HS3ST2: variants seen among roughly 807,000 people sequenced by gnomAD.
The protein encoded by HS3ST2 is heparan sulfate glucosamine 3-O-sulfotransferase 2.
Under a neutral mutation model 26.3 loss-of-function variants are expected in HS3ST2, and 17 were observed. That is an observed-to-expected ratio of 0.65 (90% confidence interval 0.44 to 0.97). The LOEUF is 0.97. Among genes scored for constraint, HS3ST2 ranks in the 50% least tolerant of loss-of-function variants. HS3ST2 has a pLI of 0.00. For missense variants in HS3ST2, 402 were observed against 501.2 expected (o/e 0.80, Z 1.89); for synonymous variants, 237 against 219.2 (o/e 1.08, Z -0.72).
At chr16:22,893,634 C>CT (rs56664558) in intron 1 of HS3ST2, among the ~76,000 whole-genome samples, 120,733 of 130,294 alleles carry the variant, frequency 0.93, 55,862 homozygotes, top group East Asian at 0.97. Context: ...TTTTTCTTTT[C>CT]TTTTTTTTTT....
intron 1 of HS3ST2, among the ~76,000 whole-genome samples, chr16:22,895,984 T>C (rs1292892795): frequency 2.0e-5 from 3 of 151,984 alleles, no homozygotes; most frequent in African/African-American, 7.2e-5. Flanking sequence ...TTTATCTTTT[T>C]TTTTTTTAAG....
At chr16:22,863,482 C>T (rs1901707454) in intron 1 of HS3ST2, among the ~76,000 whole-genome samples, 1 of 152,134 alleles carries the variant, frequency 6.6e-6, no homozygotes, top group African/African-American at 2.4e-5. Context: ...GGTTTGTTAC[C>T]TGGGTATATT....
chr16:22,856,297 G>C (rs1029161890), intron 1 of HS3ST2, among the ~76,000 whole-genome samples: 6 of 152,088 alleles, frequency 3.9e-5, no homozygotes, highest in Admixed American at 3.3e-4. Context: ...TTTGAGGAAG[G>C]GACACATTTT....
chr16:22,886,331 GTGGTGA>G (rs1453502622), intron 1 of HS3ST2, among the ~76,000 whole-genome samples: 6 of 152,174 alleles, frequency 3.9e-5, no homozygotes, highest in Admixed American at 1.3e-4. Flanking sequence ...ACTTGGGGAG[GTGGTGA>G]TGTAAAATGC....
At chr16:22,895,070 C>CTTTTTTTTTTTTTT (rs55861016) in intron 1 of HS3ST2, among the ~76,000 whole-genome samples, 1 of 134,724 alleles carries the variant, frequency 7.4e-6, no homozygotes, top group Non-Finnish European at 1.6e-5. Flanking sequence ...TTCTTTCTTT[C>CTTTTTTTTTTTTTT]TTTTTTTTTT....
chr16:22,825,376 T>C (rs1450975963), intron 1 of HS3ST2, among the ~76,000 whole-genome samples: 1 of 152,208 alleles, frequency 6.6e-6, no homozygotes, highest in Non-Finnish European at 1.5e-5. Flanking sequence ...TTCAGCAGCA[T>C]GCTAAGGACA....
chr16:22,885,262 C>T (rs1902044946), intron 1 of HS3ST2, among the ~76,000 whole-genome samples: 1 of 151,940 alleles, frequency 6.6e-6, no homozygotes, highest in African/African-American at 2.4e-5. Flanking sequence ...TTTCTGTAAG[C>T]CTCCAATATA....
intron 1 of HS3ST2, among the ~76,000 whole-genome samples, chr16:22,832,126 G>A (rs951430612): frequency 6.7e-6 from 1 of 149,682 alleles, no homozygotes; most frequent in African/African-American, 2.5e-5. Context: ...GGGACCACAG[G>A]CATGTGCTAC....
rs532522971 is a variant in HS3ST2 at position 22,877,524 on chromosome 16, A to G, written c.486-37420A>G. Among the ~76,000 whole-genome samples, 6 of 152,306 alleles carry G rather than the reference A, an allele frequency of 3.9e-5. No homozygotes were observed. In the East Asian group the frequency reaches 9.7e-4, roughly 25 times the overall value. On this transcript the variant is annotated intron_variant, in intron 1 of 1. Coordinates refer to ENST00000261374, the MANE Select transcript of HS3ST2 (RefSeq NM_006043.2). ...GATGCATGTCTTTCTTTATTGGCTC[A>G]TGAGATTCTCACTTGGACAGAGGAG... is the stretch of plus-strand genomic sequence containing the variant.
chr16:22,885,975 C>G (rs949190826), intron 1 of HS3ST2, among the ~76,000 whole-genome samples: 1 of 152,142 alleles, frequency 6.6e-6, no homozygotes, highest in Non-Finnish European at 1.5e-5. Context: ...TTTCCTGGCT[C>G]ATGTGTGGAA....
intron 1 of HS3ST2, among the ~76,000 whole-genome samples, chr16:22,822,154 A>G (rs974969260): frequency 2.6e-5 from 4 of 152,152 alleles, no homozygotes; most frequent in Non-Finnish European, 4.4e-5. Flanking sequence ...TGCCACCTTC[A>G]TGACATTTGC....
At chr16:22,849,132 A>T (rs1901485729) in intron 1 of HS3ST2, among the ~76,000 whole-genome samples, 1 of 152,176 alleles carries the variant, frequency 6.6e-6, no homozygotes, top group African/African-American at 2.4e-5. Flanking sequence ...AGGGACTTGA[A>T]GCATGTAATG....
rs1465102323 is a variant in HS3ST2, at chr16:22,814,830, G to C, written c.220G>C (p.Asp74His). Residue 74 changes from aspartate to histidine, a missense_variant, in exon 1 of 2, where the codon GAT (aspartate) becomes CAT (histidine). Physicochemically the swap from Asp to His is moderately conservative, Grantham distance 81 (BLOSUM62 -1). Transcript: ENST00000261374. Reference sequence around the variant, plus strand: ...ACTTCTCCAGAAGTCCCGCCCCTGTGATCCCTCCGGGCCGACGCCCAGCGA... The same window carrying C: ...ACTTCTCCAGAAGTCCCGCCCCTGTCATCCCTCCGGGCCGACGCCCAGCGA... The part of the protein sequence containing the change: ...QKLLQKSRPC[D>H]PSGPTPSEPS... The C allele has an allele frequency of 6.4e-7, 1 of 1,574,112 alleles. No individual in the cohort carries two copies. Among genetic ancestry groups the C allele is most frequent in the South Asian group, 1.2e-5 (1 of 86,808 alleles).
In HS3ST2 at chr16:22,828,937, A is replaced by G. The variant is rs575558736; in HGVS notation, c.485+13842A>G. On this transcript the variant is annotated intron_variant, in intron 1 of 1. Transcript: ENST00000261374. ...GAAGGAAAGAACTTGACTTAATTCA[A>G]TTGTTCTTTCCTGCCTAGGATGAAG... 3.3e-5 allele frequency among the ~76,000 whole-genome samples: 5 copies of G among 152,368 alleles called. No homozygotes were observed. The East Asian group carries it at 5.8e-4, about 18-fold the overall frequency.
intron 1 of HS3ST2, among the ~76,000 whole-genome samples, chr16:22,848,784 T>A (rs1901480816): frequency 6.6e-6 from 1 of 152,212 alleles, no homozygotes; most frequent in Non-Finnish European, 1.5e-5. Context: ...GACCATAACT[T>A]AACACGAGGC....
intron 1 of HS3ST2, among the ~76,000 whole-genome samples, chr16:22,891,191 T>C (rs1291195195): frequency 6.6e-6 from 1 of 152,242 alleles, no homozygotes; most frequent in Non-Finnish European, 1.5e-5. Flanking sequence ...CTGGCCTGGT[T>C]CCAACATGGA....
chr16:22,866,596 C>A (rs1901756152), intron 1 of HS3ST2, among the ~76,000 whole-genome samples: 2 of 151,662 alleles, frequency 1.3e-5, no homozygotes, highest in Admixed American at 6.6e-5. Flanking sequence ...ATGGCAAGAC[C>A]CCGTCTCTAC....
intron 1 of HS3ST2, among the ~76,000 whole-genome samples, chr16:22,833,610 T>C (rs372831597): frequency 1.8e-4 from 28 of 152,284 alleles, no homozygotes; most frequent in African/African-American, 6.7e-4. Flanking sequence ...GAGAGAAAGA[T>C]ATTTGTTATT....
chr16:22,839,156 T>C (rs1471455166), intron 1 of HS3ST2, among the ~76,000 whole-genome samples: 1 of 152,272 alleles, frequency 6.6e-6, no homozygotes, highest in African/African-American at 2.4e-5. Flanking sequence ...CTCCAGTTTC[T>C]GTGCCTAGAA....
Sources: gnomAD v4.1 joint callset for allele counts (sites outside exome capture counted in the v4.1 genomes callset) on GRCh38, gnomAD v4.1.1 for gene constraint, MANE v1.5 for transcripts, NCBI Gene and HGNC (gene_info 2026-07-23, HGNC 2026-07-21) for gene names.